The following CFAP92 variants were observed in gnomAD, a reference collection of about 807,000 sequenced individuals.
The protein encoded by CFAP92 is uncharacterized protein CFAP92.
CFAP92 carries 86 observed loss-of-function variants against 106.3 expected under a neutral mutation model. That is an observed-to-expected ratio of 0.81 (90% CI 0.68 to 0.97). The LOEUF (loss-of-function observed/expected upper bound fraction) is 0.97, where lower values mean the gene tolerates loss of function less well. Ranked by LOEUF, CFAP92 falls within the 50% of genes least tolerant of loss-of-function variation. The pLI, the probability that CFAP92 is intolerant of heterozygous loss-of-function variation, is 0.00. For missense variants in CFAP92, 1,204 were observed against 1,283.8 expected, an observed-to-expected ratio of 0.94 and a Z score of 0.95; for synonymous variants, 477 against 506.4, an observed-to-expected ratio of 0.94 and a Z score of 0.78.
At chr3:128,984,096 G>A (rs1943699937) in intron 4 of CFAP92, among the ~76,000 whole-genome samples, 1 of 152,220 alleles carries the variant, frequency 6.6e-6, no homozygotes, top group African/African-American at 2.4e-5. Context: ...AGAATTGAGA[G>A]CATAGGAGTA....
At chr3:128,973,019 A>G (rs940342486) in intron 7 of CFAP92, among the ~76,000 whole-genome samples, 1 of 152,226 alleles carries the variant, frequency 6.6e-6, no homozygotes, top group East Asian at 1.9e-4. Flanking sequence ...AACATTCGTG[A>G]AAGTATAAAC....
the CFAP92 span, among the ~76,000 whole-genome samples, chr3:129,023,310 CTTTT>C: frequency 1.4e-5 from 2 of 138,152 alleles, no homozygotes; most frequent in Non-Finnish European, 1.6e-5. Flanking sequence ...CCTCTTGCTT[CTTTT>C]TTTTTTTTTT....
intron 15 of CFAP92, among the ~76,000 whole-genome samples, chr3:128,911,028 T>C (rs1332069194): frequency 1.3e-5 from 2 of 152,170 alleles, no homozygotes; most frequent in African/African-American, 4.8e-5. Flanking sequence ...GGCAGTTGTA[T>C]GTATATATGT....
upstream of CFAP92, among the ~76,000 whole-genome samples, chr3:128,996,977 AG>A (rs1418914202): frequency 6.6e-6 from 1 of 152,246 alleles, no homozygotes; most frequent in Non-Finnish European, 1.5e-5. Context: ...AGAAGTTGCA[AG>A]GCCTCTTGGG....
chr3:129,024,857 C>T, the CFAP92 span, among the ~76,000 whole-genome samples: 4 of 152,128 alleles, frequency 2.6e-5, no homozygotes, highest in Non-Finnish European at 5.9e-5. Context: ...CAAACCATAG[C>T]AGAGGGAGAG....
At chr3:128,943,788 C>G (rs1939905555) in intron 10 of CFAP92, among the ~76,000 whole-genome samples, 1 of 152,138 alleles carries the variant, frequency 6.6e-6, no homozygotes, top group South Asian at 2.1e-4. Flanking sequence ...CCTCCCGCCT[C>G]AGCCTCCCAA....
upstream of CFAP92, among the ~76,000 whole-genome samples, chr3:128,997,838 G>A (rs572523513): frequency 6.6e-6 from 1 of 152,242 alleles, no homozygotes; most frequent in South Asian, 2.1e-4. Flanking sequence ...GGAAGAGTTG[G>A]GTCGTATGGT....
intron 9 of CFAP92, among the ~76,000 whole-genome samples, chr3:128,948,424 A>G (rs1280383000): frequency 9.8e-6 from 1 of 101,948 alleles, no homozygotes; most frequent in Non-Finnish European, 1.9e-5. Flanking sequence ...GAGTTTTACC[A>G]TGTTGCCCAG....
chr3:128,963,825 TCTA>T (rs1398995274), intron 9 of CFAP92, among the ~76,000 whole-genome samples: 2 of 150,224 alleles, frequency 1.3e-5, no homozygotes, highest in Admixed American at 1.3e-4. Flanking sequence ...CATCTGCTAT[TCTA>T]CTACTCCTCA....
At chr3:128,990,532 AT>A (rs1279147260) in intron 2 of CFAP92, among the ~76,000 whole-genome samples, 1 of 152,230 alleles carries the variant, frequency 6.6e-6, no homozygotes, top group Non-Finnish European at 1.5e-5. Context: ...CCTTGATCAT[AT>A]TCTCAAAGAT....
chr3:128,986,439 C>G (rs1410683574), intron 4 of CFAP92, among the ~76,000 whole-genome samples: 1 of 151,678 alleles, frequency 6.6e-6, no homozygotes, highest in East Asian at 1.9e-4. Flanking sequence ...AGGGTCTTGC[C>G]ACGTTACCCA....
chr3:129,002,067 G>A (rs1166413691), intron 1 of CFAP92: 13 of 1,537,668 alleles, frequency 8.5e-6, no homozygotes, highest in Non-Finnish European at 1.1e-5. Flanking sequence ...CCAGTTCCAC[G>A]CGCGCCTCTG....
At chr3:129,010,997 A>G in the CFAP92 span, among the ~76,000 whole-genome samples, 1 of 152,118 alleles carries the variant, frequency 6.6e-6, no homozygotes, top group Non-Finnish European at 1.5e-5. The surrounding 1 kb of genome is among the most constrained non-coding windows in gnomAD (Gnocchi z 4.3). Context: ...CACTTCTGTG[A>G]GTCTCAGTTT....
At chr3:128,940,636 A>G (rs1378069706) in intron 10 of CFAP92, among the ~76,000 whole-genome samples, 1 of 152,212 alleles carries the variant, frequency 6.6e-6, no homozygotes, top group Non-Finnish European at 1.5e-5. Context: ...GTCATATGTC[A>G]AATGAACACT....
intron 9 of CFAP92, 65 bp from the exon 10 acceptor site, chr3:128,946,040 A>T (rs1940183386): frequency 1.6e-6 from 2 of 1,223,728 alleles, no homozygotes; most frequent in Admixed American, 6.6e-5. Context: ...CCCCAGCATG[A>T]GGAGCTCAAA....
At chr3:128,998,202 T>C (rs747740703), upstream of CFAP92, among the ~76,000 whole-genome samples, 1 of 152,224 alleles carries the variant, frequency 6.6e-6, no homozygotes, top group Non-Finnish European at 1.5e-5. Flanking sequence ...TATAAGTCCT[T>C]TACTGGGCAT....
At chr3:129,014,814 G>A in the CFAP92 span, among the ~76,000 whole-genome samples, 3 of 152,286 alleles carry the variant, frequency 2.0e-5, no homozygotes, top group Non-Finnish European at 2.9e-5. The surrounding 1 kb of genome is among the most constrained non-coding windows in gnomAD (Gnocchi z 4.3). Flanking sequence ...GCACGGGGAC[G>A]AGCAGGTTGG....
At chr3:128,960,576 C>A (rs1941819443) in intron 9 of CFAP92, among the ~76,000 whole-genome samples, 1 of 152,218 alleles carries the variant, frequency 6.6e-6, no homozygotes, top group Non-Finnish European at 1.5e-5. Context: ...GCGCCGGTCA[C>A]GGACTGGGAA....
intron 15 of CFAP92, chr3:128,912,631 A>C (rs777561875): frequency 6.3e-7 from 1 of 1,591,264 alleles, no homozygotes; most frequent in Non-Finnish European, 8.6e-7. Context: ...GTCCCCTGCT[A>C]CCGCCCGCCC....
Sources: gnomAD v4.1 joint callset for allele counts (sites outside exome capture counted in the v4.1 genomes callset) on GRCh38, gnomAD v4.1.1 for gene constraint, Gnocchi (gnomAD v3.1) non-coding constraint, MANE v1.5 for transcripts, NCBI Gene and HGNC (gene_info 2026-07-23, HGNC 2026-07-21) for gene names.